The following VDAC1 variants were observed in gnomAD, a reference collection of about 807,000 sequenced individuals.
VDAC1 encodes non-selective voltage-gated ion channel VDAC1.
A neutral mutation model predicts 34.7 loss-of-function variants in VDAC1; 10 were observed. The ratio of observed to expected loss-of-function variants is 0.29; its 90% CI spans 0.18 to 0.49. The LOEUF is 0.49. Among genes scored for constraint, VDAC1 ranks in the 20% least tolerant of loss-of-function variants. The probability of loss-of-function intolerance (pLI) is 0.99; values close to 1 mark genes in which losing one functional copy is unlikely to be tolerated. For missense variants in VDAC1, 230 were observed against 347.9 expected (o/e 0.66, Z 2.69); for synonymous variants, 130 against 136.0 (o/e 0.96, Z 0.30).
chr5:134,098,630 C>A, the VDAC1 span, among the ~76,000 whole-genome samples: 1 of 152,220 alleles, frequency 6.6e-6, no homozygotes, highest in Non-Finnish European at 1.5e-5. Context: ...CCACCAGCTC[C>A]ATCTTTATAA....
the VDAC1 span, among the ~76,000 whole-genome samples, chr5:134,060,361 G>A: frequency 6.6e-6 from 1 of 151,928 alleles, no homozygotes; most frequent in Non-Finnish European, 1.5e-5. Flanking sequence ...GCACCAGGAA[G>A]GTGCTCAGGA....
the VDAC1 span, among the ~76,000 whole-genome samples, chr5:134,044,292 G>A: frequency 2.6e-5 from 4 of 152,084 alleles, no homozygotes; most frequent in South Asian, 2.1e-4. Flanking sequence ...AGCTCTTTCC[G>A]CCCTAGCTCC....
the VDAC1 span, among the ~76,000 whole-genome samples, chr5:134,047,234 G>A: frequency 4.1e-4 from 63 of 152,296 alleles, no homozygotes; most frequent in African/African-American, 9.9e-4. Context: ...ATGAAAAGCC[G>A]CCTGCTGGGG....
the VDAC1 span, among the ~76,000 whole-genome samples, chr5:134,087,924 C>T: frequency 2.0e-5 from 3 of 151,342 alleles, no homozygotes; most frequent in African/African-American, 7.3e-5. Flanking sequence ...CCAAGGCGGG[C>T]AGGTCACCTG....
the VDAC1 span, among the ~76,000 whole-genome samples, chr5:134,079,990 T>G: frequency 6.6e-6 from 1 of 152,186 alleles, no homozygotes; most frequent in African/African-American, 2.4e-5. Context: ...CGGCCTGCGG[T>G]GGGGGCTTCT....
the VDAC1 span, among the ~76,000 whole-genome samples, chr5:134,029,395 T>C: frequency 6.6e-6 from 1 of 152,250 alleles, no homozygotes. Context: ...AATATATAAG[T>C]AATACACTCA....
the VDAC1 span, among the ~76,000 whole-genome samples, chr5:134,086,595 C>A: frequency 1.3e-5 from 2 of 152,180 alleles, no homozygotes; most frequent in Non-Finnish European, 2.9e-5. Flanking sequence ...AGGACGTTTC[C>A]CACCATTTTC....
chr5:134,076,537 C>G, the VDAC1 span, among the ~76,000 whole-genome samples: 1 of 152,208 alleles, frequency 6.6e-6, no homozygotes, highest in African/African-American at 2.4e-5. Context: ...CTGCTCTCGC[C>G]CGAGCACCCA....
intron 1 of VDAC1, among the ~76,000 whole-genome samples, chr5:133,999,514 T>G (rs951848289): frequency 1.3e-5 from 2 of 152,228 alleles, no homozygotes; most frequent in African/African-American, 4.8e-5. Context: ...GTCCATGGGC[T>G]TATGATTGGG....
At chr5:134,109,899 A>G in the VDAC1 span, among the ~76,000 whole-genome samples, 1 of 152,202 alleles carries the variant, frequency 6.6e-6, no homozygotes, top group African/African-American at 2.4e-5. Context: ...ACTAGGACAC[A>G]GGCTGGCACT....
At position 133,972,674 on chromosome 5, in the gene VDAC1, C is replaced by G. The variant is rs767930325; in HGVS notation, c.*97G>C. On this transcript the variant is annotated 3_prime_UTR_variant, in exon 9 of 9. Coordinates refer to ENST00000265333, the MANE Select transcript of VDAC1 (RefSeq NM_003374.3). ...TGGAGGGCTAACATATTTAGCAATA[C>G]TTGCATCCCAGACATACAACATTAA... 203 of 990,586 alleles carry G rather than the reference C, an allele frequency of 2.0e-4. 2 individuals are homozygous for G. Among genetic ancestry groups the G allele is most frequent in the Non-Finnish European group, 2.3e-4 (154 of 658,842 alleles). The allele number at this position is 990,586 out of a possible 1,614,324, so 61.4% of individuals were successfully genotyped here.
At chr5:133,987,708 T>TCACACAA (rs60163993) in intron 5 of VDAC1, among the ~76,000 whole-genome samples, 1 of 152,030 alleles carries the variant, frequency 6.6e-6, no homozygotes, top group African/African-American at 2.4e-5. Context: ...GTTACTATTT[T>TCACACAA]TGAGCAAAAG....
the VDAC1 span, among the ~76,000 whole-genome samples, chr5:134,024,501 C>T: frequency 6.7e-6 from 1 of 149,946 alleles, no homozygotes; most frequent in Admixed American, 6.7e-5. Flanking sequence ...TGCACTCCAG[C>T]CTGGGCGAGA....
At chr5:134,026,516 G>GAAAAAAAAAAAAAAAAAAAAAAAAA in the VDAC1 span, among the ~76,000 whole-genome samples, 1 of 72,334 alleles carries the variant, frequency 1.4e-5, no homozygotes, top group Non-Finnish European at 2.6e-5. Context: ...CTCCGTCTCA[G>GAAAAAAAAAAAAAAAAAAAAAAAAA]AAAAAAAAAA....
the VDAC1 span, among the ~76,000 whole-genome samples, chr5:134,068,686 C>T: frequency 6.6e-6 from 1 of 152,092 alleles, no homozygotes; most frequent in African/African-American, 2.4e-5. Flanking sequence ...TATATTTTCT[C>T]TGTTCGGAAA....
chr5:134,005,626 C>A (rs1339623097), upstream of VDAC1: 1 of 152,214 alleles, frequency 6.6e-6, no homozygotes, highest in Non-Finnish European at 1.5e-5. Context: ...GCCGGCCGGC[C>A]GACTGAGGGC....
Position 133,975,978 on chromosome 5 carries a change from T to C in VDAC1, c.595A>G (p.Asn199Asp), listed in dbSNP as rs897504373. ...TTGACAGCGGTCTCCAACTTCTTGT[T>C]CACTTTCTGGTAAATGGAGCCGCCA... ...EFGGSIYQKV[N>D]KKLETAVNLA... The change falls in exon 7 of 9, where the codon AAC becomes GAC. Residue 199 changes from asparagine (N) to aspartate (D), a missense_variant. By Grantham distance (23) the Asn-to-Asp change is conservative (BLOSUM62 1). Transcript: ENST00000265333. The C allele has an allele frequency of 1.2e-6, 2 of 1,613,902 alleles. No individual in the cohort carries two copies. The highest frequency in any genetic ancestry group is 4.5e-5 in the East Asian group (2 of 44,868).
At chr5:133,977,710 T>A (rs574785676) in intron 6 of VDAC1, among the ~76,000 whole-genome samples, 11 of 152,206 alleles carry the variant, frequency 7.2e-5, no homozygotes, top group Non-Finnish European at 1.6e-4. Flanking sequence ...TGGTGCCTGG[T>A]CAGAAGCAAC....
At chr5:134,108,551 A>C in the VDAC1 span, among the ~76,000 whole-genome samples, 1 of 152,224 alleles carries the variant, frequency 6.6e-6, no homozygotes, top group South Asian at 2.1e-4. Flanking sequence ...TGAATATGGA[A>C]TAAGAGGGTG....
Sources: gnomAD v4.1 joint callset for allele counts (sites outside exome capture counted in the v4.1 genomes callset) on GRCh38, gnomAD v4.1.1 for gene constraint, MANE v1.5 for transcripts, NCBI Gene and HGNC (gene_info 2026-07-23, HGNC 2026-07-21) for gene names.